ORC4: variants seen among roughly 807,000 people sequenced by gnomAD.
ORC4 encodes the protein origin recognition complex, subunit 4 homolog.
A neutral mutation model predicts 63.9 loss-of-function variants in ORC4; 55 were observed. That is an observed-to-expected ratio of 0.86 (90% CI 0.69 to 1.08). The LOEUF is 1.08. ORC4 is among the 50% of genes least tolerant of loss of function. ORC4 has a pLI of 0.00. For missense variants in ORC4, 511 were observed against 504.4 expected (o/e 1.01, Z -0.13); for synonymous variants, 150 against 168.5 (o/e 0.89, Z 0.85).
At chr2:147,971,025 T>C (rs1690180023) in intron 4 of ORC4, among the ~76,000 whole-genome samples, 1 of 151,886 alleles carries the variant, frequency 6.6e-6, no homozygotes, top group Non-Finnish European at 1.5e-5. Context: ...CAGTCCCATG[T>C]ACTCAGGAGG....
chr2:147,977,045 G>A (rs759277616), intron 1 of ORC4, among the ~76,000 whole-genome samples: 3 of 152,126 alleles, frequency 2.0e-5, no homozygotes, highest in African/African-American at 7.2e-5. Flanking sequence ...CAGTGTTTAG[G>A]TATCAGGAAT....
intron 10 of ORC4, among the ~76,000 whole-genome samples, chr2:147,940,583 T>C (rs1303940628): frequency 1.3e-5 from 2 of 151,936 alleles, no homozygotes; most frequent in African/African-American, 2.4e-5. Context: ...ATATATACTA[T>C]GGATATGGAT....
chr2:147,958,970 C>A, intron 4 of ORC4, 104 bp from the exon 5 acceptor site: 1 of 600,390 alleles, frequency 1.7e-6, no homozygotes, highest in South Asian at 2.1e-5. Flanking sequence ...AATAAATTGA[C>A]CTCTTTAACA....
chr2:148,021,475 C>CTGCTGT (rs1166799013), upstream of ORC4: 73 of 578,860 alleles, frequency 1.3e-4, no homozygotes, highest in Non-Finnish European at 2.0e-4. Flanking sequence ...GCTGCTGCTG[C>CTGCTGT]TGCTGTTGCT....
At chr2:148,013,030 G>C (rs1242011920) in intron 1 of ORC4, among the ~76,000 whole-genome samples, 3 of 152,154 alleles carry the variant, frequency 2.0e-5, no homozygotes, top group South Asian at 2.1e-4. Flanking sequence ...GAACAGTATG[G>C]AGCTTCCTAA....
upstream of ORC4, chr2:148,021,471 GCTGCTGCTGTTGCTGCTGCTGCTGCTA>G (rs1373757641): frequency 8.5e-5 from 49 of 579,092 alleles, no homozygotes; most frequent in Non-Finnish European, 2.3e-5. Flanking sequence ...TGTTGCTGCT[GCTGCTGCTGTTGCTGCTGCTGCTGCTA>G]CTGCTGCTGC....
intron 1 of ORC4, among the ~76,000 whole-genome samples, chr2:148,017,349 A>G (rs886468978): frequency 3.3e-5 from 5 of 152,252 alleles, no homozygotes; most frequent in African/African-American, 4.8e-5. Flanking sequence ...AAACTGCCAT[A>G]TAAAATACTT....
chr2:147,988,437 G>C (rs1286142742), intron 1 of ORC4, among the ~76,000 whole-genome samples: 1 of 151,198 alleles, frequency 6.6e-6, no homozygotes, highest in African/African-American at 2.4e-5. Flanking sequence ...TTGGCTCACT[G>C]CAACCTCCGC....
chr2:147,939,146 C>T lies in ORC4; in HGVS notation c.952G>A (p.Val318Ile). The stretch of plus-strand genomic sequence containing the variant: ...AATAAGGCTGGGTTCTCACCATGTA[C>T]AATATTTGCTTTCGAGTCCATGCTA... ...LCSMDSKANI[V>I]HGLSVLEICL... The change falls in exon 11 of 14, where the codon GTA becomes ATA. Residue 318 changes from valine to isoleucine, a missense_variant. Physicochemically the swap from Val to Ile is conservative, Grantham distance 29. Transcript: ENST00000392857. 1 of 1,591,182 alleles carries T rather than the reference C, an allele frequency of 6.3e-7. No homozygotes were observed. Among genetic ancestry groups the T allele is most frequent in the Non-Finnish European group, 8.6e-7 (1 of 1,159,300 alleles).
intron 1 of ORC4, among the ~76,000 whole-genome samples, chr2:147,995,491 T>C (rs991052531): frequency 6.6e-6 from 1 of 152,154 alleles, no homozygotes; most frequent in Non-Finnish European, 1.5e-5. Flanking sequence ...CCTTCCACGC[T>C]GTGGAAGCTT....
At chr2:147,950,764 C>CAAAAAAA (rs70992182) in intron 8 of ORC4, among the ~76,000 whole-genome samples, 1 of 111,576 alleles carries the variant, frequency 9.0e-6, no homozygotes, top group Non-Finnish European at 1.8e-5. Flanking sequence ...GACTCCATCT[C>CAAAAAAA]AAAAAAAAAA....
rs1687923219 is a variant in ORC4, at chr2:147,934,191, C to T, written c.*1319G>A. 1 of 152,174 alleles carries T rather than the reference C, an allele frequency of 6.6e-6. No homozygotes were observed. The highest frequency in any genetic ancestry group is 6.6e-5 in the Admixed American group (1 of 15,256). The allele number at this position is 152,174 out of a possible 1,614,324, so 9.4% of individuals were successfully genotyped here. On this transcript the variant is annotated 3_prime_UTR_variant, in exon 14 of 14. Coordinates refer to ENST00000392857, the MANE Select transcript of ORC4 (RefSeq NM_181741.4). ...TCTGTAAATAACTGCCTACATCTCACAGGGCCTCTAATAGTTAAATAGATT... is the reference window on the plus strand; with the variant it reads ...TCTGTAAATAACTGCCTACATCTCATAGGGCCTCTAATAGTTAAATAGATT...
At chr2:148,017,340 A>G (rs1693365678) in intron 1 of ORC4, among the ~76,000 whole-genome samples, 1 of 152,230 alleles carries the variant, frequency 6.6e-6, no homozygotes, top group African/African-American at 2.4e-5. Context: ...GCTAAATTAA[A>G]ACTGCCATAT....
intron 1 of ORC4, among the ~76,000 whole-genome samples, chr2:147,985,504 C>T (rs1389572281): frequency 6.6e-6 from 1 of 152,084 alleles, no homozygotes; most frequent in African/African-American, 2.4e-5. Context: ...CCTTAGTAAA[C>T]TCTCTTAACA....
intron 1 of ORC4, among the ~76,000 whole-genome samples, chr2:147,991,213 A>G (rs1691571494): frequency 6.6e-6 from 1 of 151,848 alleles, no homozygotes; most frequent in South Asian, 2.1e-4. Flanking sequence ...ACGCTCGGCT[A>G]ATTTTTGTAT....
intron 1 of ORC4, among the ~76,000 whole-genome samples, chr2:148,003,930 T>C (rs1692463650): frequency 6.6e-6 from 1 of 152,106 alleles, no homozygotes; most frequent in Non-Finnish European, 1.5e-5. Context: ...ACAAAATCAA[T>C]GTGCAAAAAT....
At chr2:147,937,529 T>C (rs1012544025) in intron 13 of ORC4, among the ~76,000 whole-genome samples, 4 of 152,214 alleles carry the variant, frequency 2.6e-5, no homozygotes, top group Admixed American at 2.6e-4. Context: ...TTCAAAAGAA[T>C]GTAAAATACC....
intron 4 of ORC4, among the ~76,000 whole-genome samples, chr2:147,969,410 TA>T (rs1277133013): frequency 6.6e-6 from 1 of 152,054 alleles, no homozygotes; most frequent in Non-Finnish European, 1.5e-5. Context: ...AGTGTATAAT[TA>T]TTATGAGTCA....
intron 1 of ORC4, among the ~76,000 whole-genome samples, chr2:148,005,555 G>A (rs949501201): frequency 2.8e-5 from 4 of 144,140 alleles, no homozygotes; most frequent in East Asian, 2.1e-4. Context: ...ATTTAAAATA[G>A]ACATTGTTTT....
Sources: allele counts gnomAD v4.1 joint callset (sites outside exome capture counted in the v4.1 genomes callset), GRCh38; gene constraint gnomAD v4.1.1; transcripts MANE v1.5; gene names NCBI Gene and HGNC (gene_info 2026-07-23, HGNC 2026-07-21).